AP1M1: variants seen among roughly 807,000 people sequenced by gnomAD.
AP1M1 encodes AP-1 complex subunit mu-1.
In AP1M1, 18 loss-of-function variants were observed where a neutral mutation model predicts 57.1. The observed-to-expected ratio is 0.32, with a 90% CI of 0.22 to 0.47. The LOEUF (loss-of-function observed/expected upper bound fraction) is 0.47. Ranked by LOEUF, AP1M1 falls within the 20% of genes least tolerant of loss-of-function variation. AP1M1 has a pLI of 1.00. For missense variants in AP1M1, 362 were observed against 593.5 expected (o/e 0.61, Z 4.05); for synonymous variants, 241 against 237.9 (o/e 1.01, Z -0.12).
At chr19:16,226,781 C>A in intron 6 of AP1M1, 1 of 485,144 alleles carries the variant, frequency 2.1e-6, no homozygotes, top group South Asian at 3.3e-5. Context: ...GTCACCCGGC[C>A]TCACACGCCA....
chr19:16,208,303 C>T (rs1377405701), intron 4 of AP1M1, 154 bp downstream of exon 4: 11 of 818,152 alleles, frequency 1.3e-5, no homozygotes, highest in East Asian at 2.8e-5. Flanking sequence ...CTAAGTTGCT[C>T]TTAGTGGTTT....
At position 16,241,568 on chromosome 19, in the gene AP1M1, T is replaced by C. The variant is rs1369646398; in HGVS notation, c.*7133T>C. ...ATGCCTTTCAAGGTCACTATGCTAT[T>C]TGGGAGGAGATTCGGCTAAAGTCCA... On this transcript the variant is annotated 3_prime_UTR_variant, in exon 12 of 12. Transcript: ENST00000291439. 1 of 152,154 alleles carries C rather than the reference T, an allele frequency of 6.6e-6. No homozygotes were observed. Among genetic ancestry groups the C allele is most frequent in the Non-Finnish European group, 1.5e-5 (1 of 68,042 alleles). 9.4% of individuals were successfully genotyped at this position (152,154 alleles called of 1,614,324 possible).
At chr19:16,220,798 G>A (rs1263690916) in intron 5 of AP1M1, among the ~76,000 whole-genome samples, 6 of 152,124 alleles carry the variant, frequency 3.9e-5, no homozygotes, top group Non-Finnish European at 8.8e-5. Context: ...ATCCCTAAAG[G>A]CTATTTTCAC....
chr19:16,234,735 C>T lies in AP1M1; in HGVS notation c.*300C>T. 2.1e-6 allele frequency: 1 copy of T among 483,856 alleles called. No homozygotes were observed. Among genetic ancestry groups the T allele is most frequent in the Middle Eastern group, 5.5e-4 (1 of 1,832 alleles). 30.0% of individuals were successfully genotyped at this position (483,856 alleles called of 1,614,324 possible). ...GGTTACAGCCTTTTATGCTGTTGAG[C>T]TCCCAGGTACCAAAAAGCTTGGCCA... On this transcript the variant is annotated 3_prime_UTR_variant, in exon 12 of 12. Transcript: ENST00000291439.
intron 5 of AP1M1, among the ~76,000 whole-genome samples, chr19:16,224,849 C>T (rs1040457760): frequency 6.6e-6 from 1 of 152,126 alleles, no homozygotes; most frequent in African/African-American, 2.4e-5. Context: ...GAGCCCCGGC[C>T]AGTGAGGGTC....
chr19:16,202,078 A>C (rs948204128), intron 1 of AP1M1, among the ~76,000 whole-genome samples: 1 of 152,114 alleles, frequency 6.6e-6, no homozygotes, highest in Non-Finnish European at 1.5e-5. Context: ...CTGTTCCCTC[A>C]ACACGTCATC....
At chr19:16,232,754 G>C (rs1379253630) in intron 9 of AP1M1, among the ~76,000 whole-genome samples, 1 of 152,234 alleles carries the variant, frequency 6.6e-6, no homozygotes, top group Non-Finnish European at 1.5e-5. Flanking sequence ...CTGAGCCCTG[G>C]GGAGCAGAGA....
rs1170051579 is a variant in AP1M1, at chr19:16,240,542, C to T, written c.*6107C>T. 6.6e-6 allele frequency: 1 copy of T among 152,070 alleles called. No individual in the cohort carries two copies. The highest frequency in any genetic ancestry group is 2.4e-5 in the African/African-American group (1 of 41,390). The allele number at this position is 152,070 out of a possible 1,614,324, so 9.4% of individuals were successfully genotyped here. ...TCGGCTCATTACAACCTCTGCCTCC[C>T]AGGTTCAAGCAATTCTCATATCTCA... On this transcript the variant is annotated 3_prime_UTR_variant, in exon 12 of 12. Transcript: ENST00000291439.
At chr19:16,205,481 C>G (rs528513986) in intron 2 of AP1M1, among the ~76,000 whole-genome samples, 3 of 152,274 alleles carry the variant, frequency 2.0e-5, no homozygotes, top group Non-Finnish European at 4.4e-5. Flanking sequence ...GGCCAGCGTC[C>G]CTTTCCTGGG....
Position 16,244,746 on chromosome 19 carries a change from C to T in AP1M1, c.*10311C>T, listed in dbSNP as rs1314134762. The T allele has an allele frequency of 2.0e-5, 3 of 151,656 alleles. No homozygotes were observed. Among genetic ancestry groups the T allele is most frequent in the Non-Finnish European group, 2.9e-5 (2 of 67,908 alleles). The allele number at this position is 151,656 out of a possible 1,614,324, so 9.4% of individuals were successfully genotyped here. Reference sequence around the variant, plus strand: ...TCCGGAGGCTGAGGCAGGAGAATGGCGTGAACCCGGGAAGCGGAGCTTGCA... The same window carrying T: ...TCCGGAGGCTGAGGCAGGAGAATGGTGTGAACCCGGGAAGCGGAGCTTGCA... On this transcript the variant is annotated 3_prime_UTR_variant, in exon 12 of 12. Transcript: ENST00000291439.
At position 16,237,152 on chromosome 19, in the gene AP1M1, G is replaced by A. The variant is rs1453423695; in HGVS notation, c.*2717G>A. On this transcript the variant is annotated 3_prime_UTR_variant, in exon 12 of 12. Transcript: ENST00000291439. ...GATGAAATACAAATGGCGACCGTTC[G>A]GCCAGGCGTGGTGGCTCACGCCCGT... The A allele has an allele frequency of 3.9e-5, 6 of 152,222 alleles. No homozygotes were observed. Among genetic ancestry groups the A allele is most frequent in the African/African-American group, 1.4e-4 (6 of 41,456 alleles). 9.4% of individuals were successfully genotyped at this position (152,222 alleles called of 1,614,324 possible).
At chr19:16,215,001 G>A (rs767305092) in intron 5 of AP1M1, among the ~76,000 whole-genome samples, 12 of 149,874 alleles carry the variant, frequency 8.0e-5, no homozygotes, top group Non-Finnish European at 1.6e-4. Context: ...CACCCACCTC[G>A]GCCTCCTAAA....
rs977358204 is a variant in AP1M1 at position 16,238,240 on chromosome 19, T to C, written c.*3805T>C. Reference sequence around the variant, plus strand: ...ATGCCAGAATTCTCTTGCAGAACTCTAGTTGAGAAAAGCCCTGAGAAGTCC... The same window carrying C: ...ATGCCAGAATTCTCTTGCAGAACTCCAGTTGAGAAAAGCCCTGAGAAGTCC... On this transcript the variant is annotated 3_prime_UTR_variant, in exon 12 of 12. Coordinates refer to ENST00000291439, the MANE Select transcript of AP1M1 (RefSeq NM_032493.4). 1 of 152,234 alleles carries C rather than the reference T, an allele frequency of 6.6e-6. No individual in the cohort carries two copies. Among genetic ancestry groups the C allele is most frequent in the Non-Finnish European group, 1.5e-5 (1 of 68,074 alleles). The allele number at this position is 152,234 out of a possible 1,614,324, so 9.4% of individuals were successfully genotyped here. A position where few individuals can be genotyped will look rare whatever the true frequency, so the allele number is the denominator to read the frequency against.
intron 5 of AP1M1, among the ~76,000 whole-genome samples, chr19:16,222,693 A>G (rs1034186727): frequency 6.6e-6 from 1 of 151,876 alleles, no homozygotes; most frequent in Non-Finnish European, 1.5e-5. Flanking sequence ...CTGCAGCCTC[A>G]ACCTCGTGTG....
At chr19:16,234,348 CG>C in intron 11 of AP1M1, 64 bp from the exon 12 acceptor site, 1 of 1,613,180 alleles carries the variant, frequency 6.2e-7, no homozygotes. Context: ...GTGGAGCCAT[CG>C]GGTCGGGTCC....
In AP1M1 at chr19:16,237,252, G is replaced by C. The variant is rs925593494; in HGVS notation, c.*2817G>C. 9 of 152,230 alleles carry C rather than the reference G, an allele frequency of 5.9e-5. No homozygotes were observed. The highest frequency in any genetic ancestry group is 2.2e-4 in the African/African-American group (9 of 41,456). The allele number at this position is 152,230 out of a possible 1,614,324, so 9.4% of individuals were successfully genotyped here. On this transcript the variant is annotated 3_prime_UTR_variant, in exon 12 of 12. Transcript: ENST00000291439. ...AGTTCGAGACCAGCATGGCCAGCATGGTGAAGCCCCATCTATACTAAAAAT... is the reference window on the plus strand; with the variant it reads ...AGTTCGAGACCAGCATGGCCAGCATCGTGAAGCCCCATCTATACTAAAAAT...
At chr19:16,232,605 G>A (rs544452542) in intron 9 of AP1M1, among the ~76,000 whole-genome samples, 1 of 152,188 alleles carries the variant, frequency 6.6e-6, no homozygotes, top group Non-Finnish European at 1.5e-5. Flanking sequence ...ACCAAGTCAG[G>A]CAGAGTCCTC....
Position 16,234,290 on chromosome 19 carries a change from C to A in AP1M1, c.1249+16C>A. 2.5e-6 allele frequency: 4 copies of A among 1,613,414 alleles called. No individual in the cohort carries two copies. The highest frequency in any genetic ancestry group is 3.4e-6 in the Non-Finnish European group (4 of 1,179,578). On this transcript the variant is annotated intron_variant, in intron 11 of 11. Coordinates refer to ENST00000291439, the MANE Select transcript of AP1M1 (RefSeq NM_032493.4). ...CAGAATGGAGGTGAGTGAGGCCCTA[C>A]CCGTGGGGTGGGGTTGTACTGAGGG...
chr19:16,229,759 A>T (rs2091588007), intron 9 of AP1M1, among the ~76,000 whole-genome samples: 1 of 152,148 alleles, frequency 6.6e-6, no homozygotes, highest in African/African-American at 2.4e-5. Flanking sequence ...TTACCCCACC[A>T]CCTAATACTC....
Sources: gnomAD v4.1 joint callset for allele counts (sites outside exome capture counted in the v4.1 genomes callset) on GRCh38, gnomAD v4.1.1 for gene constraint, MANE v1.5 for transcripts, NCBI Gene and HGNC (gene_info 2026-07-23, HGNC 2026-07-21) for gene names.